The following ABL2 variants were observed in gnomAD, a reference collection of about 807,000 sequenced individuals.
ABL2 encodes the protein ABL proto-oncogene 2, non-receptor tyrosine kinase.
A neutral mutation model predicts 107.7 loss-of-function variants in ABL2; 49 were observed. That is an observed-to-expected ratio of 0.45 (90% CI 0.36 to 0.58). The LOEUF (loss-of-function observed/expected upper bound fraction) is 0.58, where lower values mean the gene tolerates loss of function less well. ABL2 is among the 20% of genes least tolerant of loss of function. The pLI is 0.00. For synonymous variants in ABL2, 549 were observed against 548.6 expected (o/e 1.00, Z -0.01); for missense variants, 1,245 against 1,457.0 (o/e 0.85, Z 2.37).
intron 1 of ABL2, among the ~76,000 whole-genome samples, chr1:179,200,907 AATGAATTAAAACAAC>A (rs1295724348): frequency 3.9e-5 from 6 of 152,222 alleles, no homozygotes; most frequent in African/African-American, 1.4e-4. Flanking sequence ...TTCCTCCAGC[AATGAATTAAAACAAC>A]ATGTGTAAAA....
chr1:179,166,394 TAAA>T (rs200116537), intron 1 of ABL2, among the ~76,000 whole-genome samples: 21 of 108,848 alleles, frequency 1.9e-4, no homozygotes, highest in African/African-American at 2.4e-4. Context: ...AACTCAATAC[TAAA>T]AAAAAAAAAA....
chr1:179,218,457 T>G (rs963955830), intron 1 of ABL2, among the ~76,000 whole-genome samples: 7 of 152,052 alleles, frequency 4.6e-5, no homozygotes, highest in African/African-American at 1.7e-4. Flanking sequence ...AGTGCAGTGG[T>G]ACGATCTCGG....
At chr1:179,117,034 C>A (rs1470420526) in intron 8 of ABL2, 2 of 378,414 alleles carry the variant, frequency 5.3e-6, no homozygotes, top group Non-Finnish European at 1.0e-5. Context: ...GATGGGAGTT[C>A]ACCATGTTGG....
chr1:179,215,361 G>C (rs1662504725), intron 1 of ABL2, among the ~76,000 whole-genome samples: 1 of 151,996 alleles, frequency 6.6e-6, no homozygotes, highest in South Asian at 2.1e-4. Context: ...ATGTCAAAGG[G>C]GACTTTCATG....
At chr1:179,160,396 T>C (rs981513420) in intron 1 of ABL2, among the ~76,000 whole-genome samples, 5 of 152,052 alleles carry the variant, frequency 3.3e-5, no homozygotes, top group African/African-American at 1.2e-4. Flanking sequence ...TTTGTAAAAG[T>C]ATATACTTCT....
At chr1:179,159,573 T>G (rs1188673170) in intron 1 of ABL2, among the ~76,000 whole-genome samples, 1 of 152,232 alleles carries the variant, frequency 6.6e-6, no homozygotes, top group Non-Finnish European at 1.5e-5. Flanking sequence ...GTGTCGTTTT[T>G]GGTTGTTTTT....
At chr1:179,133,204 G>A (rs545961826) in intron 2 of ABL2, 108 bp downstream of exon 2, 9 of 1,551,308 alleles carry the variant, frequency 5.8e-6, no homozygotes, top group Non-Finnish European at 7.9e-6. Context: ...TATATGAAAG[G>A]AAAAACCCTT....
chr1:179,158,464 T>C (rs1254866149), intron 1 of ABL2, among the ~76,000 whole-genome samples: 1 of 152,226 alleles, frequency 6.6e-6, no homozygotes, highest in African/African-American at 2.4e-5. Context: ...TTTGGAATTC[T>C]GCCTCCTGGT....
intron 1 of ABL2, among the ~76,000 whole-genome samples, chr1:179,207,132 T>C (rs1048035919): frequency 6.6e-6 from 1 of 151,886 alleles, no homozygotes; most frequent in African/African-American, 2.4e-5. Flanking sequence ...CATTACCTTC[T>C]GAAGTCAGCT....
At chr1:179,202,624 C>G (rs576634306) in intron 1 of ABL2, among the ~76,000 whole-genome samples, 13 of 152,350 alleles carry the variant, frequency 8.5e-5, no homozygotes, top group African/African-American at 2.6e-4. Flanking sequence ...AGTGATTGAT[C>G]TGTACCCTGA....
chr1:179,174,923 T>A (rs530528926), intron 1 of ABL2, among the ~76,000 whole-genome samples: 5,672 of 141,512 alleles, frequency 0.04, 185 homozygotes, highest in Non-Finnish European at 0.053. Flanking sequence ...ATAAAAAAAA[T>A]AATAATAATA....
At chr1:179,228,234 C>A (rs1317563609) in intron 1 of ABL2, among the ~76,000 whole-genome samples, 2 of 149,526 alleles carry the variant, frequency 1.3e-5, no homozygotes, top group African/African-American at 4.9e-5. Context: ...GCAGTTCCAG[C>A]TACTCGGGAG....
Position 179,101,025 on chromosome 1 carries a change from C to T in ABL2, c.*6693G>A, listed in dbSNP as rs550861464. 12 of 232,686 alleles carry T rather than the reference C, an allele frequency of 5.2e-5. 1 individual carries two copies. Among genetic ancestry groups the T allele is most frequent in the Middle Eastern group, 1.3e-3 (1 of 774 alleles). The allele number at this position is 232,686 out of a possible 1,614,324, so 14.4% of individuals were successfully genotyped here. A position where few individuals can be genotyped will look rare whatever the true frequency, so the allele number is the denominator to read the frequency against. ...AGAAACGCAGCAACTGCCAAGTGAACACTCTCAGGAAACCACTTCAAGTGG... is the reference window on the plus strand; with the variant it reads ...AGAAACGCAGCAACTGCCAAGTGAATACTCTCAGGAAACCACTTCAAGTGG... On this transcript the variant is annotated 3_prime_UTR_variant, in exon 12 of 12. Coordinates refer to ENST00000502732, the MANE Select transcript of ABL2 (RefSeq NM_007314.4).
chr1:179,118,855 G>T (rs1031722299), intron 6 of ABL2, 91 bp from the exon 7 acceptor site: 1 of 1,363,802 alleles, frequency 7.3e-7, no homozygotes, highest in Non-Finnish European at 1.0e-6. Flanking sequence ...AATTTTTCAG[G>T]TCTAGTTCGG....
At chr1:179,123,834 T>C (rs186521043) in intron 4 of ABL2, among the ~76,000 whole-genome samples, 32 of 152,214 alleles carry the variant, frequency 2.1e-4, no homozygotes, top group Non-Finnish European at 3.7e-4. Flanking sequence ...TTTCACTATA[T>C]TCCTCAAGCT....
At chr1:179,157,657 G>A (rs567176728) in intron 1 of ABL2, among the ~76,000 whole-genome samples, 1 of 152,064 alleles carries the variant, frequency 6.6e-6, no homozygotes, top group East Asian at 1.9e-4. Context: ...GTAGGAGGGA[G>A]TGAGGAAAGA....
At chr1:179,160,769 T>C (rs530564168) in intron 1 of ABL2, among the ~76,000 whole-genome samples, 11 of 152,324 alleles carry the variant, frequency 7.2e-5, no homozygotes, top group Non-Finnish European at 1.3e-4. Context: ...CATGACACTA[T>C]TGACATTTGG....
intron 1 of ABL2, among the ~76,000 whole-genome samples, chr1:179,152,819 G>A (rs1281309143): frequency 2.0e-5 from 3 of 152,204 alleles, no homozygotes; most frequent in Non-Finnish European, 4.4e-5. Context: ...TAAGGGCCTG[G>A]CCACAGAATG....
intron 1 of ABL2, among the ~76,000 whole-genome samples, chr1:179,216,284 A>G (rs1662560083): frequency 6.6e-6 from 1 of 152,256 alleles, no homozygotes; most frequent in South Asian, 2.1e-4. Context: ...ATGTGTATTT[A>G]TCCATGAATT....
Sources: gnomAD v4.1 joint callset for allele counts (sites outside exome capture counted in the v4.1 genomes callset) on GRCh38, gnomAD v4.1.1 for gene constraint, MANE v1.5 for transcripts, NCBI Gene and HGNC (gene_info 2026-07-23, HGNC 2026-07-21) for gene names.